Variants in RBFOX1 observed in about 807,000 individuals in gnomAD.
RBFOX1 encodes the protein RNA binding protein fox-1 homolog 1.
In RBFOX1, 8 loss-of-function variants were observed where a neutral mutation model predicts 57.7. The ratio of observed to expected loss-of-function variants is 0.14; its 90% confidence interval spans 0.08 to 0.25. The LOEUF (loss-of-function observed/expected upper bound fraction) is 0.25, where lower values mean the gene tolerates loss of function less well. Among genes scored for constraint, RBFOX1 ranks in the 10% least tolerant of loss-of-function variants. The pLI is 1.00. For synonymous variants in RBFOX1, 326 were observed against 222.4 expected, an observed-to-expected ratio of 1.47 and a Z score of -4.15; for missense variants, 611 against 548.5, an observed-to-expected ratio of 1.11 and a Z score of -1.14.
chr16:5,508,691 C>T (rs28490374), intron 2 of RBFOX1, among the ~76,000 whole-genome samples: 39 of 151,726 alleles, frequency 2.6e-4, no homozygotes, highest in Admixed American at 1.1e-3. Flanking sequence ...CTGCACAGAG[C>T]GATTGCACAG....
At chr16:7,370,642 G>A (rs945088419) in intron 4 of RBFOX1, among the ~76,000 whole-genome samples, 1 of 152,164 alleles carries the variant, frequency 6.6e-6, no homozygotes, top group Non-Finnish European at 1.5e-5. Flanking sequence ...CACATCCTAG[G>A]CATGGGTGCC....
Position 7,447,394 on chromosome 16 carries a change from C to T in RBFOX1, c.28-70753C>T, listed in dbSNP as rs138993422. On this transcript the variant is annotated intron_variant, in intron 4 of 15. Coordinates refer to ENST00000550418, the MANE Select transcript of RBFOX1 (RefSeq NM_018723.4). Reference sequence around the variant, plus strand: ...GTTGCAGTGAGCTGAGATCATGCCACTGCACTCCAGGCTGGCCAACCGAGT... The same window carrying T: ...GTTGCAGTGAGCTGAGATCATGCCATTGCACTCCAGGCTGGCCAACCGAGT... Among the ~76,000 whole-genome samples the T allele has an allele frequency of 2.8e-5, 4 of 143,340 alleles. No individual in the cohort carries two copies. The East Asian group carries it at 8.5e-4, about 31-fold the overall frequency. The allele number at this position is 143,340 out of a possible 152,430, so 94.0% of individuals were successfully genotyped here.
chr16:5,891,446 T>C (rs189042749), intron 4 of RBFOX1, among the ~76,000 whole-genome samples: 27 of 152,360 alleles, frequency 1.8e-4, no homozygotes, highest in Non-Finnish European at 3.5e-4. Flanking sequence ...ATAACTTTGG[T>C]TGCCATGGAA....
At position 6,797,386 on chromosome 16, in the gene RBFOX1, G is replaced by A. The variant is rs147577117; in HGVS notation, c.-16+142736G>A. On this transcript the variant is annotated intron_variant, in intron 3 of 15. Coordinates refer to ENST00000550418, the MANE Select transcript of RBFOX1 (RefSeq NM_018723.4). ...GAGTGGAGATTATTAACAGGTGGTCGAAAGAGAGAGCGAGAGAAAGGGGGA... is the reference window on the plus strand; with the variant it reads ...GAGTGGAGATTATTAACAGGTGGTCAAAAGAGAGAGCGAGAGAAAGGGGGA... 9.1e-3 allele frequency among the ~76,000 whole-genome samples: 1,389 copies of A among 152,168 alleles called. 18 individuals are homozygous for A. The highest frequency in any genetic ancestry group is 0.031 in the Middle Eastern group (9 of 294).
chr16:5,792,816 C>T (rs1007348023), intron 3 of RBFOX1, among the ~76,000 whole-genome samples: 3 of 152,042 alleles, frequency 2.0e-5, no homozygotes, highest in African/African-American at 7.2e-5. Flanking sequence ...GCACTCCAGC[C>T]TGGGCAACAA....
intron 4 of RBFOX1, among the ~76,000 whole-genome samples, chr16:7,362,447 G>A (rs552232680): frequency 7.9e-5 from 12 of 151,382 alleles, no homozygotes; most frequent in South Asian, 4.2e-4. Context: ...CTGCGTGTAC[G>A]TAGTATATAT....
intron 3 of RBFOX1, among the ~76,000 whole-genome samples, chr16:6,900,324 C>G (rs1008274063): frequency 2.0e-5 from 3 of 152,322 alleles, no homozygotes; most frequent in African/African-American, 2.4e-5. Context: ...TTGCCATCAT[C>G]TCCCCCTGGA....
intron 2 of RBFOX1, among the ~76,000 whole-genome samples, chr16:6,430,847 G>A (rs2094059254): frequency 6.6e-6 from 1 of 151,790 alleles, no homozygotes; most frequent in African/African-American, 2.4e-5. Flanking sequence ...AGAAGTTACT[G>A]TGGTCAGGAA....
chr16:7,274,350 A>G (rs1271275124), intron 4 of RBFOX1, among the ~76,000 whole-genome samples: 1 of 152,198 alleles, frequency 6.6e-6, no homozygotes, highest in Non-Finnish European at 1.5e-5. Context: ...AAATTCAGAA[A>G]GTTTAACTGC....
chr16:6,845,708 T>A (rs1237717985), intron 3 of RBFOX1, among the ~76,000 whole-genome samples: 1 of 152,176 alleles, frequency 6.6e-6, no homozygotes, highest in Non-Finnish European at 1.5e-5. Context: ...AGGCCTTGCT[T>A]CTCTGACACA....
chr16:7,033,147 A>G (rs1456485310), intron 3 of RBFOX1, among the ~76,000 whole-genome samples: 1 of 152,192 alleles, frequency 6.6e-6, no homozygotes, highest in East Asian at 1.9e-4. Context: ...TGCAGTAAGC[A>G]GGTTCTGATG....
chr16:7,284,217 G>C (rs1444728032), intron 4 of RBFOX1, among the ~76,000 whole-genome samples: 1 of 152,216 alleles, frequency 6.6e-6, no homozygotes, highest in African/African-American at 2.4e-5. Context: ...TGCTGATTAT[G>C]AAACAGTTGC....
intron 4 of RBFOX1, among the ~76,000 whole-genome samples, chr16:5,989,880 A>ACACACACACACACACACAC (rs33912010): frequency 7.9e-6 from 1 of 127,202 alleles, no homozygotes; most frequent in Non-Finnish European, 1.7e-5. Flanking sequence ...ACACACACAC[A>ACACACACACACACACACAC]CCACCCCTGT....
intron 3 of RBFOX1, among the ~76,000 whole-genome samples, chr16:6,673,510 C>A (rs374428094): frequency 1.3e-5 from 2 of 152,148 alleles, no homozygotes; most frequent in Non-Finnish European, 1.5e-5. Context: ...ATCACCTGAA[C>A]CCAGGAGGTG....
intron 3 of RBFOX1, among the ~76,000 whole-genome samples, chr16:6,790,120 TCTG>T (rs1307519237): frequency 1.5e-4 from 22 of 149,350 alleles, no homozygotes; most frequent in Middle Eastern, 6.9e-3. Flanking sequence ...TGAATTTTCT[TCTG>T]GTTCTGATTT....
intron 3 of RBFOX1, among the ~76,000 whole-genome samples, chr16:6,754,769 A>G (rs1414996294): frequency 6.6e-6 from 1 of 152,046 alleles, no homozygotes; most frequent in Non-Finnish European, 1.5e-5. Flanking sequence ...TTAGTTACAT[A>G]TGTATACATG....
At chr16:6,804,492 G>C (rs534298470) in intron 3 of RBFOX1, among the ~76,000 whole-genome samples, 2 of 152,202 alleles carry the variant, frequency 1.3e-5, no homozygotes, top group East Asian at 3.9e-4. Flanking sequence ...AGGCTCAACA[G>C]CTCTAGGTGC....
intron 4 of RBFOX1, among the ~76,000 whole-genome samples, chr16:5,952,071 A>C (rs940040999): frequency 1.3e-5 from 2 of 150,468 alleles, no homozygotes; most frequent in Non-Finnish European, 3.0e-5. Flanking sequence ...ATCTATATAA[A>C]TATATGTGTA....
chr16:5,524,674 G>A (rs9925889), intron 2 of RBFOX1, among the ~76,000 whole-genome samples: 6,600 of 151,714 alleles, frequency 0.044, 493 homozygotes, highest in African/African-American at 0.15. Context: ...CCAAGTAGCC[G>A]GGATTACAGA....
Sources: allele counts gnomAD v4.1 joint callset (sites outside exome capture counted in the v4.1 genomes callset), GRCh38; gene constraint gnomAD v4.1.1; transcripts MANE v1.5; gene names NCBI Gene and HGNC (gene_info 2026-07-23, HGNC 2026-07-21).